MROH1: variants seen among roughly 807,000 people sequenced by gnomAD.
The protein encoded by MROH1 is maestro heat-like repeat-containing protein family member 1.
In MROH1, 117 loss-of-function variants were observed where a neutral mutation model predicts 116.5. That is an observed-to-expected ratio of 1.00 (90% CI 0.86 to 1.17). MROH1 has a LOEUF of 1.17. Ranked by LOEUF, MROH1 falls within the 50% of genes most tolerant of loss-of-function variation. The probability of loss-of-function intolerance (pLI) is 0.00; values close to 1 mark genes in which losing one functional copy is unlikely to be tolerated. For synonymous variants in MROH1, 921 were observed against 583.9 expected (o/e 1.58, Z -8.32); for missense variants, 1,873 against 1,338.5 (o/e 1.40, Z -6.23).
chr8:144,215,222 A>T (rs1834977594), intron 12 of MROH1, among the ~76,000 whole-genome samples: 1 of 152,244 alleles, frequency 6.6e-6, no homozygotes, highest in Non-Finnish European at 1.5e-5. Flanking sequence ...GGGAAATACA[A>T]ATACAGGTTG....
Position 144,200,427 on chromosome 8 carries a change from G to C in MROH1, c.1028-1G>C. 1 of 1,547,920 alleles carries C rather than the reference G, an allele frequency of 6.5e-7. No homozygotes were observed. The highest frequency in any genetic ancestry group is 1.2e-5 in the South Asian group (1 of 83,652). ...CCTAATCTGTACCCGTTGCCCTGTAGCCTGCAGCTCGCCTGACCGCCTACT... is the reference window on the plus strand; with the variant it reads ...CCTAATCTGTACCCGTTGCCCTGTACCCTGCAGCTCGCCTGACCGCCTACT... On this transcript the variant is annotated splice_acceptor_variant, in intron 11 of 43. Transcript: ENST00000326134. LOFTEE classifies it high-confidence loss of function.
intron 14 of MROH1, among the ~76,000 whole-genome samples, chr8:144,232,393 G>A (rs1227332013): frequency 6.6e-6 from 1 of 152,070 alleles, no homozygotes; most frequent in African/African-American, 2.4e-5. Flanking sequence ...AAACATTTTT[G>A]TGCATCTATT....
intron 1 of MROH1, among the ~76,000 whole-genome samples, chr8:144,149,576 T>G (rs913557876): frequency 3.9e-5 from 6 of 152,078 alleles, no homozygotes; most frequent in African/African-American, 1.4e-4. Context: ...GAGAGAAGCC[T>G]GGTTGCTGCC....
At position 144,182,301 on chromosome 8, in the gene MROH1, G is replaced by GGAGGCACGGCTGGCC. The variant is rs369596660; in HGVS notation, c.562+1779_562+1793dup. Among the ~76,000 whole-genome samples, 104 of 152,346 alleles carry GGAGGCACGGCTGGCC rather than the reference G, an allele frequency of 6.8e-4. No individual in the cohort carries two copies. Among genetic ancestry groups the GGAGGCACGGCTGGCC allele is most frequent in the African/African-American group, 2.3e-3 (96 of 41,582 alleles). On this transcript the variant is annotated intron_variant, in intron 7 of 43. Coordinates refer to ENST00000326134, the MANE Select transcript of MROH1 (RefSeq NM_032450.3). This position sits in a 1 kb window ranked among gnomAD's most constrained non-coding sequence, Gnocchi z 4.1. ...AGCCTCAGGGAAGACTCCCAGTGGT[G>GGAGGCACGGCTGGCC]GAGGCACGGCTGGCCTGGCCACGCC... is the stretch of plus-strand genomic sequence containing the variant.
chr8:144,252,154 G>A (rs1842942905), intron 33 of MROH1: 1 of 173,070 alleles, frequency 5.8e-6, no homozygotes, highest in Non-Finnish European at 1.2e-5. Flanking sequence ...GGCTGCTGGG[G>A]ATGGCGATGC....
intron 3 of MROH1, among the ~76,000 whole-genome samples, chr8:144,167,282 G>A (rs1319962695): frequency 7.0e-6 from 1 of 141,898 alleles, no homozygotes; most frequent in East Asian, 2.1e-4. Flanking sequence ...TGGGTGGAGT[G>A]GCCGGTTGGG....
At chr8:144,223,062 C>A in intron 13 of MROH1, 46 bp from the exon 14 acceptor site, 1 of 1,609,406 alleles carries the variant, frequency 6.2e-7, no homozygotes, top group South Asian at 1.1e-5. Flanking sequence ...ACTGGCATGG[C>A]AGTCTCTGCG....
At chr8:144,242,724 CT>C in intron 24 of MROH1, 96 bp downstream of exon 24, 1 of 717,146 alleles carries the variant, frequency 1.4e-6, no homozygotes. Context: ...GGAGGGGGAG[CT>C]TGGAGCTTGC....
At chr8:144,189,540 G>A (rs1356265216) in intron 7 of MROH1, among the ~76,000 whole-genome samples, 1 of 152,146 alleles carries the variant, frequency 6.6e-6, no homozygotes, top group East Asian at 1.9e-4. Flanking sequence ...AGCCTGGGTG[G>A]CCACCTGCCC....
intron 14 of MROH1, among the ~76,000 whole-genome samples, chr8:144,224,455 G>T (rs1335729789): frequency 6.6e-6 from 1 of 151,698 alleles, no homozygotes; most frequent in African/African-American, 2.4e-5. Context: ...TTGTAGAGAC[G>T]AGATCACACT....
intron 1 of MROH1, among the ~76,000 whole-genome samples, chr8:144,160,088 T>C (rs1412136059): frequency 1.3e-5 from 2 of 152,182 alleles, no homozygotes; most frequent in African/African-American, 2.4e-5. Context: ...TAATTTTTGA[T>C]TGGATGCCAG....
chr8:144,234,497 CGTTTTT>C (rs1687873762), intron 14 of MROH1, among the ~76,000 whole-genome samples: 9 of 20,656 alleles, frequency 4.4e-4, no homozygotes, highest in African/African-American at 1.4e-3. Flanking sequence ...CTTTCTTTTT[CGTTTTT>C]TTTTTTTTTT....
chr8:144,151,204 C>T (rs1412111456), intron 1 of MROH1, among the ~76,000 whole-genome samples: 2 of 141,726 alleles, frequency 1.4e-5, no homozygotes, highest in African/African-American at 5.3e-5. Flanking sequence ...GCCGAGATTG[C>T]GCCATTGCAT....
intron 1 of MROH1, among the ~76,000 whole-genome samples, chr8:144,151,789 C>T (rs981623335): frequency 6.6e-6 from 1 of 152,200 alleles, no homozygotes; most frequent in East Asian, 1.9e-4. Context: ...CTCTGTGCTC[C>T]CCCTAGAGGT....
chr8:144,154,508 A>G (rs1817585066), intron 1 of MROH1, among the ~76,000 whole-genome samples: 1 of 152,112 alleles, frequency 6.6e-6, no homozygotes. Flanking sequence ...TTTACTGCAA[A>G]CTGCTCATGT....
At position 144,180,214 on chromosome 8, in the gene MROH1, G is replaced by A. The variant is rs754058043; in HGVS notation, c.337G>A (p.Val113Ile). The change falls in exon 6 of 44, where the codon GTC becomes ATC. Residue 113 changes from valine to isoleucine, a missense_variant. Physicochemically the swap from Val to Ile is conservative, Grantham distance 29. Transcript: ENST00000326134. The surrounding 1 kb of genome is among the most constrained non-coding windows in gnomAD (Gnocchi z 7.4). ...VWDWQQAASG[V>I]LVAVGRQFIS... ...GGACTGGCAGCAGGCGGCGAGTGGCGTCCTGGTGGCCGTGGGAAGACAGTT... is the reference window on the plus strand; with the variant it reads ...GGACTGGCAGCAGGCGGCGAGTGGCATCCTGGTGGCCGTGGGAAGACAGTT... 25 of 1,613,682 alleles carry A rather than the reference G, an allele frequency of 1.5e-5. No individual in the cohort carries two copies. Among genetic ancestry groups the A allele is most frequent in the Middle Eastern group, 3.3e-4 (2 of 6,082 alleles).
intron 35 of MROH1, among the ~76,000 whole-genome samples, chr8:144,258,012 G>A (rs1008290969): frequency 5.0e-4 from 76 of 152,298 alleles, no homozygotes; most frequent in East Asian, 3.1e-3. Context: ...CACACACTAC[G>A]CCCCACCCAC....
chr8:144,200,691 A>C, intron 12 of MROH1, 150 bp downstream of exon 12: 1 of 647,402 alleles, frequency 1.5e-6, no homozygotes, highest in Non-Finnish European at 2.7e-6. Flanking sequence ...CAAAATTCTA[A>C]ACTTTTTGAA....
At chr8:144,206,143 G>A (rs1408493005) in intron 12 of MROH1, among the ~76,000 whole-genome samples, 3 of 152,122 alleles carry the variant, frequency 2.0e-5, no homozygotes, top group Admixed American at 6.6e-5. Flanking sequence ...TTGACCTCAC[G>A]GGTTCAAGGG....
Sources: gnomAD v4.1 joint callset for allele counts (sites outside exome capture counted in the v4.1 genomes callset) on GRCh38, gnomAD v4.1.1 for gene constraint, Gnocchi (gnomAD v3.1) non-coding constraint, MANE v1.5 for transcripts, NCBI Gene and HGNC (gene_info 2026-07-23, HGNC 2026-07-21) for gene names.